Variants in DNAJC10 observed in about 807,000 individuals in gnomAD.
The protein encoded by DNAJC10 is endoplasmic reticulum disulfide reductase DNAJC10.
DNAJC10 carries 101 observed loss-of-function variants against 115.0 expected under a neutral mutation model. The ratio of observed to expected loss-of-function variants is 0.88; its 90% CI spans 0.75 to 1.04. The LOEUF is 1.04. Among genes scored for constraint, DNAJC10 ranks in the 50% least tolerant of loss-of-function variants. The probability of loss-of-function intolerance (pLI) is 0.00; values close to 1 mark genes in which losing one functional copy is unlikely to be tolerated. For synonymous variants in DNAJC10, 307 were observed against 301.5 expected (o/e 1.02, Z -0.19); for missense variants, 981 against 928.8 (o/e 1.06, Z -0.73).
At chr2:182,740,192 T>C in intron 11 of DNAJC10, 107 bp from the exon 12 acceptor site, 1 of 1,187,790 alleles carries the variant, frequency 8.4e-7, no homozygotes, top group Non-Finnish European at 1.1e-6. Flanking sequence ...ATTTACCTTC[T>C]ATAATCATTT....
chr2:182,727,031 T>C (rs951940423), intron 5 of DNAJC10, among the ~76,000 whole-genome samples: 1 of 147,308 alleles, frequency 6.8e-6, no homozygotes, highest in African/African-American at 2.6e-5. Flanking sequence ...TATTTTCTAA[T>C]TAAGGTATGT....
chr2:182,722,934 C>T (rs541905099), intron 5 of DNAJC10, among the ~76,000 whole-genome samples: 25 of 151,696 alleles, frequency 1.6e-4, no homozygotes, highest in East Asian at 7.7e-4. Flanking sequence ...GCGTACCAGT[C>T]GCAAAAAATA....
chr2:182,732,830 A>G (rs962208117), intron 10 of DNAJC10: 15 of 414,090 alleles, frequency 3.6e-5, no homozygotes, highest in African/African-American at 3.2e-4. Flanking sequence ...GTCATTTCCC[A>G]ACTTTATCTT....
intron 10 of DNAJC10, 94 bp downstream of exon 10, chr2:182,732,636 A>G: frequency 8.3e-7 from 1 of 1,201,882 alleles, no homozygotes; most frequent in Non-Finnish European, 1.2e-6. Flanking sequence ...TTTCTTGAAC[A>G]TTTAACTCAC....
At chr2:182,717,335 T>C (rs967007430) in intron 2 of DNAJC10, among the ~76,000 whole-genome samples, 14 of 152,178 alleles carry the variant, frequency 9.2e-5, no homozygotes, top group Non-Finnish European at 1.9e-4. Context: ...CTTACAATTG[T>C]TTTTCTACTA....
At chr2:182,732,725 T>G (rs1291562501) in intron 10 of DNAJC10, 183 bp downstream of exon 10, 3 of 573,460 alleles carry the variant, frequency 5.2e-6, no homozygotes, top group Non-Finnish European at 6.0e-6. Flanking sequence ...GTTCAATAAA[T>G]TTTAACGTGG....
Position 182,760,775 on chromosome 2 carries a change from A to C in DNAJC10, c.2145+1468A>C, listed in dbSNP as rs116278876. On this transcript the variant is annotated intron_variant, in intron 21 of 23. Coordinates refer to ENST00000264065, the MANE Select transcript of DNAJC10 (RefSeq NM_018981.4). Reference sequence around the variant, plus strand: ...AGTTCACACTAAAGCTTAGCATCCCAGGCCATGGGAATTTTTTAGCAGAGG... The same window carrying C: ...AGTTCACACTAAAGCTTAGCATCCCCGGCCATGGGAATTTTTTAGCAGAGG... Among the ~76,000 whole-genome samples, 1,316 of 152,256 alleles carry C rather than the reference A, an allele frequency of 8.6e-3. 14 individuals carry two copies. Among genetic ancestry groups the C allele is most frequent in the African/African-American group, 0.031 (1,269 of 41,556 alleles).
chr2:182,788,117 G>A lies in DNAJC10; in HGVS notation c.*10985G>A, dbSNP rs1307398500. The A allele has an allele frequency of 6.5e-6, 1 of 152,770 alleles. No homozygotes were observed. The highest frequency in any genetic ancestry group is 1.5e-5 in the Non-Finnish European group (1 of 68,410). The allele number at this position is 152,770 out of a possible 1,614,324, so 9.5% of individuals were successfully genotyped here. On this transcript the variant is annotated 3_prime_UTR_variant, in exon 24 of 24. Coordinates refer to ENST00000264065, the MANE Select transcript of DNAJC10 (RefSeq NM_018981.4). ...CGCAGAGTGGTTCCTACAGAGAAGG[G>A]TGGCAAGAAGGGCTGTTCTGCCATC...
chr2:182,754,915 C>A, intron 16 of DNAJC10, 88 bp from the exon 17 acceptor site: 1 of 1,305,796 alleles, frequency 7.7e-7, no homozygotes, highest in Non-Finnish European at 1.1e-6. Flanking sequence ...AAATCTTGTT[C>A]TTGTTACTTA....
intron 21 of DNAJC10, among the ~76,000 whole-genome samples, chr2:182,762,442 A>G (rs1365741601): frequency 2.6e-5 from 4 of 152,130 alleles, no homozygotes; most frequent in African/African-American, 9.7e-5. Flanking sequence ...GAGACATTGC[A>G]GGATAAAGCT....
At chr2:182,728,232 G>T (rs1693341793) in intron 5 of DNAJC10, among the ~76,000 whole-genome samples, 2 of 152,066 alleles carry the variant, frequency 1.3e-5, no homozygotes, top group African/African-American at 4.8e-5. Flanking sequence ...CTTACGTGAG[G>T]TTTGGCTGCT....
rs567041088 is a variant in DNAJC10 at position 182,739,657 on chromosome 2, G to A, written c.988-642G>A. On this transcript the variant is annotated intron_variant, in intron 11 of 23. Coordinates refer to ENST00000264065, the MANE Select transcript of DNAJC10 (RefSeq NM_018981.4). ...TTTGTTAGAAGGGCCTTTTATACTCGTTTGTGTTTTAAATAAGAGACTCGG... is the reference window on the plus strand; with the variant it reads ...TTTGTTAGAAGGGCCTTTTATACTCATTTGTGTTTTAAATAAGAGACTCGG... 1.4e-4 allele frequency: 154 copies of A among 1,087,200 alleles called. 3 individuals are homozygous for A. The South Asian group carries it at 3.1e-3, about 22-fold the overall frequency. 67.3% of individuals were successfully genotyped at this position (1,087,200 alleles called of 1,614,324 possible).
intron 22 of DNAJC10, among the ~76,000 whole-genome samples, chr2:182,773,682 G>C (rs1441406862): frequency 6.6e-6 from 1 of 152,146 alleles, no homozygotes; most frequent in Non-Finnish European, 1.5e-5. Context: ...ACTCCATCAG[G>C]TCCTTTAAGG....
At chr2:182,768,906 G>A (rs182660967) in intron 22 of DNAJC10, among the ~76,000 whole-genome samples, 7 of 152,092 alleles carry the variant, frequency 4.6e-5, no homozygotes, top group Admixed American at 2.6e-4. Context: ...TACATGTGTC[G>A]TGTTGGTTTG....
At chr2:182,752,227 T>C in intron 16 of DNAJC10, 39 bp downstream of exon 16, 1 of 1,112,876 alleles carries the variant, frequency 9.0e-7, no homozygotes, top group Non-Finnish European at 1.3e-6. Context: ...ATTAATTTTA[T>C]AAAATGAAGA....
At chr2:182,734,619 T>C (rs935656421) in intron 10 of DNAJC10, among the ~76,000 whole-genome samples, 1 of 151,898 alleles carries the variant, frequency 6.6e-6, no homozygotes, top group African/African-American at 2.4e-5. Context: ...TAGATCTTAA[T>C]AATTTTATTG....
At chr2:182,739,827 A>C (rs1485178465) in intron 11 of DNAJC10, 2 of 992,624 alleles carry the variant, frequency 2.0e-6, no homozygotes, top group Non-Finnish European at 2.4e-6. Context: ...AATTAATCTT[A>C]ATTATTGGTT....
intron 16 of DNAJC10, 37 bp downstream of exon 16, chr2:182,752,225 T>G: frequency 8.6e-7 from 1 of 1,166,548 alleles, no homozygotes. Flanking sequence ...TAATTAATTT[T>G]ATAAAATGAA....
At position 182,736,424 on chromosome 2, in the gene DNAJC10, G is replaced by C. The variant is rs373926859; in HGVS notation, c.987+38G>C. 4.2e-5 allele frequency: 58 copies of C among 1,393,812 alleles called. No individual in the cohort carries two copies. The Admixed American group carries it at 7.4e-4, about 18-fold the overall frequency. 86.3% of individuals were successfully genotyped at this position (1,393,812 alleles called of 1,614,324 possible). ...TTAAACTAATTTATTTACATATAAT[G>C]TGCAAACACCCTCAAAAATAATACA... On this transcript the variant is annotated intron_variant, in intron 11 of 23. Transcript: ENST00000264065.
Sources: allele counts gnomAD v4.1 joint callset (sites outside exome capture counted in the v4.1 genomes callset), GRCh38; gene constraint gnomAD v4.1.1; transcripts MANE v1.5; gene names NCBI Gene and HGNC (gene_info 2026-07-23, HGNC 2026-07-21).